The following ARSG variants were observed in gnomAD, a reference collection of about 807,000 sequenced individuals.
ARSG encodes ASG.
A neutral mutation model predicts 50.5 loss-of-function variants in ARSG; 37 were observed. That is an observed-to-expected ratio of 0.73 (90% CI 0.56 to 0.96). The LOEUF is 0.96. ARSG is among the 50% of genes least tolerant of loss of function. The pLI is 0.00. For missense variants in ARSG, 629 were observed against 675.3 expected, an observed-to-expected ratio of 0.93 and a Z score of 0.76; for synonymous variants, 225 against 254.6, an observed-to-expected ratio of 0.88 and a Z score of 1.11.
At chr17:68,432,651 T>C in the ARSG span, among the ~76,000 whole-genome samples, 1 of 152,102 alleles carries the variant, frequency 6.6e-6, no homozygotes, top group South Asian at 2.1e-4. Flanking sequence ...ATCAGCGTGA[T>C]ATGGTGCCCA....
At position 68,371,341 on chromosome 17, in the gene ARSG, G is replaced by C. The variant is rs1243682075; in HGVS notation, c.982+817G>C. ...CAAAAAAAAAAAAAAAAAAAAGAAG[G>C]AGAGAGGCTCAGAGAGGGTAAGTAA... On this transcript the variant is annotated intron_variant, in intron 8 of 11. Coordinates refer to ENST00000621439, the MANE Select transcript of ARSG (RefSeq NM_001267727.2). 3.3e-5 allele frequency among the ~76,000 whole-genome samples: 5 copies of C among 150,240 alleles called. No homozygotes were observed. The South Asian group carries it at 6.3e-4, about 19-fold the overall frequency.
At chr17:68,332,829 G>T (rs1452596477) in intron 2 of ARSG, among the ~76,000 whole-genome samples, 1 of 152,184 alleles carries the variant, frequency 6.6e-6, no homozygotes, top group Non-Finnish European at 1.5e-5. Flanking sequence ...TGGGTTCCAT[G>T]AATTTTGAAG....
At chr17:68,431,745 C>T in the ARSG span, among the ~76,000 whole-genome samples, 6 of 152,400 alleles carry the variant, frequency 3.9e-5, no homozygotes, top group East Asian at 9.6e-4. Context: ...CCGTAACCGC[C>T]GGGGACATAT....
In ARSG at chr17:68,327,926, G is replaced by A. The variant is rs141655528; in HGVS notation, c.219-15678G>A. Reference sequence around the variant, plus strand: ...GATCCTGGGTGGCGTCATTGGGAATGAGGAGGATCTGAAGGATGCAGGAAG... The same window carrying A: ...GATCCTGGGTGGCGTCATTGGGAATAAGGAGGATCTGAAGGATGCAGGAAG... On this transcript the variant is annotated intron_variant, in intron 2 of 11. Transcript: ENST00000621439. 6.5e-3 allele frequency among the ~76,000 whole-genome samples: 983 copies of A among 152,294 alleles called. 8 individuals are homozygous for A. Among genetic ancestry groups the A allele is most frequent in the Non-Finnish European group, 0.011 (749 of 68,022 alleles).
rs2080424520 is a variant in ARSG, at chr17:68,381,375, C to A, written c.983-3689C>A. ...CTGCTTTAATTAGAGTCACAAGTAA[C>A]CACAAGTGCGTAGAAATGCATTCTC... On this transcript the variant is annotated intron_variant, in intron 8 of 11. Coordinates refer to ENST00000621439, the MANE Select transcript of ARSG (RefSeq NM_001267727.2). The surrounding 1 kb of genome is among the most constrained non-coding windows in gnomAD (Gnocchi z 4.1). Among the ~76,000 whole-genome samples, 1 of 152,168 alleles carries A rather than the reference C, an allele frequency of 6.6e-6. No individual in the cohort carries two copies. The highest frequency in any genetic ancestry group is 2.4e-5 in the African/African-American group (1 of 41,448).
At chr17:68,331,070 T>C (rs1013986610) in intron 2 of ARSG, among the ~76,000 whole-genome samples, 2 of 151,006 alleles carry the variant, frequency 1.3e-5, no homozygotes, top group South Asian at 4.2e-4. Flanking sequence ...CTGCAACATC[T>C]GCCTCCTGGG....
intron 10 of ARSG, among the ~76,000 whole-genome samples, chr17:68,397,907 C>T (rs2147184986): frequency 6.6e-6 from 1 of 152,238 alleles, no homozygotes; most frequent in East Asian, 1.9e-4. Flanking sequence ...GCTGGTATTA[C>T]AGGCGTTCAC....
rs146551118 is a variant in ARSG, at chr17:68,338,518, C to G, written c.219-5086C>G. Among the ~76,000 whole-genome samples the G allele has an allele frequency of 4.3e-3, 652 of 152,268 alleles. 15 individuals are homozygous for G. Among genetic ancestry groups the G allele is most frequent in the Admixed American group, 0.038 (585 of 15,298 alleles). On this transcript the variant is annotated intron_variant, in intron 2 of 11. Transcript: ENST00000621439. ...CACCTGCATAGGATTTGGAATCAGACACGCCTGAGTCCCAGGGTGTGCCCT... is the reference window on the plus strand; with the variant it reads ...CACCTGCATAGGATTTGGAATCAGAGACGCCTGAGTCCCAGGGTGTGCCCT...
intron 9 of ARSG, among the ~76,000 whole-genome samples, 182 bp downstream of exon 9, chr17:68,385,354 A>G (rs1439096706): frequency 1.3e-5 from 2 of 151,802 alleles, no homozygotes; most frequent in African/African-American, 2.4e-5. Flanking sequence ...CTCTGACTGT[A>G]GAAGTGATGA....
downstream of ARSG, chr17:68,427,083 G>T: frequency 6.8e-7 from 1 of 1,464,286 alleles, no homozygotes; most frequent in Non-Finnish European, 9.6e-7. Context: ...AGGGAGAAGG[G>T]GAGGGAGGTC....
intron 10 of ARSG, among the ~76,000 whole-genome samples, chr17:68,396,553 C>A (rs764401436): frequency 6.6e-6 from 1 of 152,162 alleles, no homozygotes; most frequent in Non-Finnish European, 1.5e-5. Context: ...CTCTGCAACG[C>A]CCTACAAATG....
At chr17:68,435,390 T>G in the ARSG span, among the ~76,000 whole-genome samples, 1 of 152,242 alleles carries the variant, frequency 6.6e-6, no homozygotes, top group Non-Finnish European at 1.5e-5. Context: ...CGAGTTTTCA[T>G]GCAAAGTGTC....
the ARSG span, chr17:68,436,443 T>A: frequency 6.2e-7 from 1 of 1,613,848 alleles, no homozygotes; most frequent in Non-Finnish European, 8.5e-7. Context: ...ATAGGCCAGG[T>A]AAGAATTGGA....
the ARSG span, among the ~76,000 whole-genome samples, chr17:68,431,657 G>A: frequency 2.0e-5 from 3 of 152,282 alleles, no homozygotes; most frequent in Admixed American, 1.3e-4. Context: ...TAAGAGTAAC[G>A]GCTGGACCAG....
chr17:68,430,277 T>C, the ARSG span: 1 of 1,048,154 alleles, frequency 9.5e-7, no homozygotes, highest in Non-Finnish European at 1.4e-6. Flanking sequence ...AGACTGTGCC[T>C]TAGCATAATG....
At chr17:68,295,256 G>A (rs1360777900) in intron 1 of ARSG, among the ~76,000 whole-genome samples, 2 of 152,062 alleles carry the variant, frequency 1.3e-5, no homozygotes, top group African/African-American at 4.8e-5. Flanking sequence ...TCTGTATTTG[G>A]GGACAGTGAG....
downstream of ARSG, chr17:68,426,254 G>GGGGGT: frequency 7.3e-6 from 6 of 816,916 alleles, 1 homozygote; most frequent in African/African-American, 1.7e-5. Flanking sequence ...GGGAGCGGGG[G>GGGGGT]CTCAAATAAA....
At chr17:68,384,158 A>AGCAC (rs566033020) in intron 8 of ARSG, among the ~76,000 whole-genome samples, 59 of 152,318 alleles carry the variant, frequency 3.9e-4, no homozygotes, top group African/African-American at 1.3e-3. Flanking sequence ...AGCCACACAC[A>AGCAC]GCACTTGCCT....
At chr17:68,313,635 G>A (rs952832731) in intron 2 of ARSG, among the ~76,000 whole-genome samples, 14 of 150,864 alleles carry the variant, frequency 9.3e-5, no homozygotes, top group African/African-American at 1.5e-4. Context: ...TGAGGGGAAC[G>A]CTGTTCAGTC....
Sources: allele counts gnomAD v4.1 joint callset (sites outside exome capture counted in the v4.1 genomes callset), GRCh38; gene constraint gnomAD v4.1.1; non-coding constraint Gnocchi (gnomAD v3.1); transcripts MANE v1.5; gene names NCBI Gene and HGNC (gene_info 2026-07-23, HGNC 2026-07-21).